Variants in NTM observed in about 807,000 individuals in gnomAD.
NTM encodes the protein IgLON family member 2.
NTM carries 13 observed loss-of-function variants against 42.1 expected under a neutral mutation model. The ratio of observed to expected loss-of-function variants is 0.31; its 90% confidence interval spans 0.20 to 0.49. NTM has a LOEUF of 0.49. Among genes scored for constraint, NTM ranks in the 20% least tolerant of loss-of-function variants. The pLI is 0.99. For missense variants in NTM, 373 were observed against 452.8 expected, an observed-to-expected ratio of 0.82 and a Z score of 1.60; for synonymous variants, 187 against 179.2, an observed-to-expected ratio of 1.04 and a Z score of -0.35.
At chr11:131,511,859 A>G (rs2048295356) in intron 1 of NTM, among the ~76,000 whole-genome samples, 2 of 152,126 alleles carry the variant, frequency 1.3e-5, no homozygotes, top group South Asian at 2.1e-4. Context: ...TGCAAAGCCA[A>G]TCTCTGTGTC....
At chr11:131,869,697 G>A (rs967116373) in intron 1 of NTM, among the ~76,000 whole-genome samples, 1 of 152,128 alleles carries the variant, frequency 6.6e-6, no homozygotes, top group Non-Finnish European at 1.5e-5. Flanking sequence ...TAATTTAATT[G>A]TAGATCTCAG....
intron 1 of NTM, among the ~76,000 whole-genome samples, chr11:131,477,127 GC>G (rs1191668226): frequency 6.6e-6 from 1 of 152,102 alleles, no homozygotes; most frequent in Non-Finnish European, 1.5e-5. Context: ...GAGGAGAAAG[GC>G]GAATGCAGAA....
intron 1 of NTM, among the ~76,000 whole-genome samples, chr11:131,904,888 G>C (rs2053643665): frequency 1.3e-5 from 2 of 152,168 alleles, no homozygotes; most frequent in South Asian, 4.1e-4. Context: ...GGGTGGTCTA[G>C]AGGCTGTGCT....
intron 1 of NTM, among the ~76,000 whole-genome samples, chr11:131,636,334 A>C (rs2064379225): frequency 6.6e-6 from 1 of 152,178 alleles, no homozygotes; most frequent in Admixed American, 6.5e-5. Flanking sequence ...TGGTATCTGC[A>C]GCAGATTCGT....
chr11:131,921,249 A>T (rs2057181362), intron 2 of NTM, among the ~76,000 whole-genome samples: 1 of 152,202 alleles, frequency 6.6e-6, no homozygotes, highest in Admixed American at 6.5e-5. Context: ...GTCATACTAG[A>T]GTAGAGTGTG....
intron 3 of NTM, among the ~76,000 whole-genome samples, chr11:132,163,871 G>A (rs962939014): frequency 6.6e-6 from 1 of 152,184 alleles, no homozygotes; most frequent in African/African-American, 2.4e-5. Flanking sequence ...AGTTTACTGG[G>A]GGTAAGCCCA....
chr11:132,235,388 C>T (rs535576837), intron 4 of NTM, among the ~76,000 whole-genome samples: 27 of 152,110 alleles, frequency 1.8e-4, no homozygotes, highest in Non-Finnish European at 3.2e-4. Flanking sequence ...CCAGTCATCA[C>T]GCATCTCCAG....
chr11:131,976,819 A>G lies in NTM; in HGVS notation c.167+65171A>G, dbSNP rs575416948. On this transcript the variant is annotated intron_variant, in intron 2 of 8. Transcript: ENST00000683400. ...AAAAGCATCTCAGCGAAAGTGCTAC[A>G]TGATAACACAGCCCTCATTTCCATA... Among the ~76,000 whole-genome samples, 26 of 152,338 alleles carry G rather than the reference A, an allele frequency of 1.7e-4. No individual in the cohort carries two copies. In the South Asian group the frequency reaches 2.7e-3, roughly 16 times the overall value.
At chr11:131,850,756 G>A (rs765765093) in intron 1 of NTM, among the ~76,000 whole-genome samples, 20 of 152,182 alleles carry the variant, frequency 1.3e-4, no homozygotes, top group African/African-American at 2.2e-4. Context: ...CGATTGTCTC[G>A]TCGATAAATG....
intron 1 of NTM, among the ~76,000 whole-genome samples, chr11:131,582,850 G>T (rs535377154): frequency 6.6e-6 from 1 of 151,214 alleles, no homozygotes; most frequent in Admixed American, 6.6e-5. Flanking sequence ...TAATGCCATC[G>T]CAGCAGAGCT....
intron 2 of NTM, among the ~76,000 whole-genome samples, chr11:132,140,202 G>A (rs1223275926): frequency 1.3e-5 from 2 of 152,168 alleles, no homozygotes; most frequent in Non-Finnish European, 2.9e-5. Flanking sequence ...GTAGCAGTCA[G>A]ACTTCAGACC....
At chr11:131,754,233 G>A (rs1215449729) in intron 1 of NTM, among the ~76,000 whole-genome samples, 1 of 151,852 alleles carries the variant, frequency 6.6e-6, no homozygotes, top group Admixed American at 6.6e-5. Context: ...GTATACATAT[G>A]TAACTAACCT....
chr11:131,991,765 C>T (rs79197215), intron 2 of NTM, among the ~76,000 whole-genome samples: 2 of 152,106 alleles, frequency 1.3e-5, no homozygotes, highest in Non-Finnish European at 2.9e-5. Flanking sequence ...AGGGGGAATG[C>T]ATTCTGGACA....
chr11:131,660,686 G>T, intron 1 of NTM: 1 of 428,504 alleles, frequency 2.3e-6, no homozygotes, highest in Non-Finnish European at 4.6e-6. Flanking sequence ...GGGACAGAGG[G>T]TGTGGGGCTA....
chr11:131,627,299 T>A (rs1044919285), intron 1 of NTM, among the ~76,000 whole-genome samples: 1 of 151,872 alleles, frequency 6.6e-6, no homozygotes, highest in Non-Finnish European at 1.5e-5. Context: ...ACTGCCACGT[T>A]TGAGAGCAGA....
At chr11:131,889,225 C>T (rs2050865130) in intron 1 of NTM, among the ~76,000 whole-genome samples, 2 of 152,202 alleles carry the variant, frequency 1.3e-5, no homozygotes, top group South Asian at 4.1e-4. Context: ...TCCCCATAAA[C>T]ACAGGTTTCC....
intron 1 of NTM, among the ~76,000 whole-genome samples, chr11:131,417,869 GA>G (rs1947113712): frequency 6.6e-6 from 1 of 152,186 alleles, no homozygotes; most frequent in African/African-American, 2.4e-5. Flanking sequence ...GTCTCACCTA[GA>G]AGTCCCTTTG....
At chr11:132,153,592 T>C (rs2072479638) in intron 3 of NTM, among the ~76,000 whole-genome samples, 1 of 152,190 alleles carries the variant, frequency 6.6e-6, no homozygotes, top group Non-Finnish European at 1.5e-5. Context: ...TCTTAGACAC[T>C]CAAAAGACCC....
chr11:132,273,309 G>GTTTTTTT (rs57877862), intron 4 of NTM, among the ~76,000 whole-genome samples: 1 of 55,658 alleles, frequency 1.8e-5, no homozygotes, highest in Non-Finnish European at 2.9e-5. Flanking sequence ...GTTGACTAGT[G>GTTTTTTT]TTTTTTTTTT....
Sources: allele counts gnomAD v4.1 joint callset (sites outside exome capture counted in the v4.1 genomes callset), GRCh38; gene constraint gnomAD v4.1.1; transcripts MANE v1.5; gene names NCBI Gene and HGNC (gene_info 2026-07-23, HGNC 2026-07-21).